Variants in C3orf20 observed in about 807,000 individuals in gnomAD.
The protein encoded by C3orf20 is uncharacterized protein C3orf20.
A neutral mutation model predicts 88.3 loss-of-function variants in C3orf20; 76 were observed. The ratio of observed to expected loss-of-function variants is 0.86; its 90% CI spans 0.72 to 1.04. The LOEUF is 1.04. Ranked by LOEUF, C3orf20 falls within the 50% of genes least tolerant of loss-of-function variation. The probability of loss-of-function intolerance (pLI) is 0.00; values close to 1 mark genes in which losing one functional copy is unlikely to be tolerated. For missense variants in C3orf20, 1,056 were observed against 1,123.3 expected (o/e 0.94, Z 0.86); for synonymous variants, 436 against 437.4 (o/e 1.00, Z 0.04).
chr3:14,752,861 G>A (rs1034625475), intron 12 of C3orf20, among the ~76,000 whole-genome samples: 2 of 152,318 alleles, frequency 1.3e-5, no homozygotes, highest in Non-Finnish European at 2.9e-5. Context: ...AGGATGTGGA[G>A]AAATAGGCAC....
intron 13 of C3orf20, 39 bp from the exon 14 acceptor site, chr3:14,759,852 G>T (rs2035503151): frequency 6.5e-7 from 1 of 1,534,404 alleles, no homozygotes; most frequent in East Asian, 2.3e-5. Context: ...CATCTTATTG[G>T]CATGGGGGTG....
intron 7 of C3orf20, among the ~76,000 whole-genome samples, chr3:14,710,639 A>T (rs1013558734): frequency 2.6e-5 from 4 of 152,052 alleles, no homozygotes; most frequent in East Asian, 3.8e-4. Context: ...TGTATTTGTG[A>T]ATTTTCCCTA....
chr3:14,717,925 T>A, intron 9 of C3orf20, among the ~76,000 whole-genome samples: 1 of 152,188 alleles, frequency 6.6e-6, no homozygotes, highest in African/African-American at 2.4e-5. Context: ...AAGTCTGTAG[T>A]TATTCAAGTC....
At chr3:14,766,515 CACG>C (rs1236524075) in intron 15 of C3orf20, among the ~76,000 whole-genome samples, 5 of 152,234 alleles carry the variant, frequency 3.3e-5, no homozygotes, top group Non-Finnish European at 5.9e-5. Flanking sequence ...TCCACCTGCA[CACG>C]ACAGTCACTG....
intron 5 of C3orf20, among the ~76,000 whole-genome samples, chr3:14,702,263 C>T (rs1176807421): frequency 6.6e-6 from 1 of 152,108 alleles, no homozygotes; most frequent in Non-Finnish European, 1.5e-5. Flanking sequence ...AACTTATTCA[C>T]TATCACGAGA....
At chr3:14,682,130 A>G (rs1343021577) in intron 1 of C3orf20, 40 bp from the exon 2 acceptor site, 1 of 152,514 alleles carries the variant, frequency 6.6e-6, no homozygotes, top group East Asian at 1.9e-4. Flanking sequence ...GATTGAGCTT[A>G]GTAAATGCAT....
chr3:14,717,320 C>T (rs994421026), intron 9 of C3orf20, among the ~76,000 whole-genome samples: 1 of 152,042 alleles, frequency 6.6e-6, no homozygotes, highest in Non-Finnish European at 1.5e-5. Flanking sequence ...GAGCTGCATG[C>T]AGAAGAGCAC....
At chr3:14,730,280 G>T (rs1559426773) in intron 12 of C3orf20, among the ~76,000 whole-genome samples, 1 of 152,080 alleles carries the variant, frequency 6.6e-6, no homozygotes, top group South Asian at 2.1e-4. Flanking sequence ...GGGTGCGGTG[G>T]CCCACGCCTG....
chr3:14,714,271 C>A, intron 8 of C3orf20, 112 bp downstream of exon 8: 2 of 1,226,166 alleles, frequency 1.6e-6, no homozygotes, highest in Non-Finnish European at 2.3e-6. Context: ...AGGCGGTGTC[C>A]AGAGATCTAG....
chr3:14,692,426 G>T (rs546042816), intron 5 of C3orf20, among the ~76,000 whole-genome samples: 1 of 152,172 alleles, frequency 6.6e-6, no homozygotes, highest in East Asian at 1.9e-4. Flanking sequence ...CTGTCTTTTG[G>T]ACAAAAGCCA....
chr3:14,712,624 G>C (rs2033795307), intron 7 of C3orf20, among the ~76,000 whole-genome samples: 1 of 151,912 alleles, frequency 6.6e-6, no homozygotes, highest in South Asian at 2.1e-4. Flanking sequence ...CATTAACATA[G>C]GTTTACAATT....
intron 7 of C3orf20, among the ~76,000 whole-genome samples, chr3:14,705,994 G>A (rs1424371234): frequency 6.6e-6 from 1 of 152,116 alleles, no homozygotes; most frequent in African/African-American, 2.4e-5. Flanking sequence ...AGAGGGAGAT[G>A]GAAGTGGATC....
chr3:14,759,948 G>A lies in C3orf20; in HGVS notation c.2302G>A (p.Asp768Asn). 1 of 1,614,168 alleles carries A rather than the reference G, an allele frequency of 6.2e-7. No individual in the cohort carries two copies. Among genetic ancestry groups the A allele is most frequent in the Non-Finnish European group, 8.5e-7 (1 of 1,180,012 alleles). The change falls in exon 14 of 17, where the codon GAC becomes AAC. Residue 768 changes from aspartate to asparagine, a missense_variant. By Grantham distance (23) the Asp-to-Asn change is conservative (BLOSUM62 1). Coordinates refer to ENST00000253697, the MANE Select transcript of C3orf20 (RefSeq NM_032137.5). ...TGACCTGGACAGCCCCCTGCAGGAG[G>A]ACCCTCCCCTGATGGTGAAGAAGAA... ...QYDLDSPLQE[D>N]PPLMVKKNSV...
In C3orf20 at chr3:14,734,572, C is replaced by G. The variant is rs1374110908; in HGVS notation, c.1940+5884C>G. Among the ~76,000 whole-genome samples the G allele has an allele frequency of 3.3e-5, 5 of 152,156 alleles. No homozygotes were observed. In the East Asian group the frequency reaches 9.6e-4, roughly 29 times the overall value. Reference sequence around the variant, plus strand: ...GAGAAAAAACTGCATAATTTCAACCCTCTGTAATTTGCTTAGACTTGTTTT... The same window carrying G: ...GAGAAAAAACTGCATAATTTCAACCGTCTGTAATTTGCTTAGACTTGTTTT... On this transcript the variant is annotated intron_variant, in intron 12 of 16. Coordinates refer to ENST00000253697, the MANE Select transcript of C3orf20 (RefSeq NM_032137.5).
rs141270428 is a variant in C3orf20, at chr3:14,705,903, C to T, written c.1160+1285C>T. 6.5e-3 allele frequency among the ~76,000 whole-genome samples: 995 copies of T among 152,312 alleles called. 8 individuals are homozygous for T. Among genetic ancestry groups the T allele is most frequent in the Non-Finnish European group, 9.3e-3 (630 of 68,032 alleles). ...GCCAAGCTAGGCCTTGGTTCATGGC[C>T]TCCTTACCTCAATTTAGGGTCCTTT... On this transcript the variant is annotated intron_variant, in intron 7 of 16. Coordinates refer to ENST00000253697, the MANE Select transcript of C3orf20 (RefSeq NM_032137.5).
At chr3:14,749,058 A>T (rs1340213924) in intron 12 of C3orf20, among the ~76,000 whole-genome samples, 2 of 152,206 alleles carry the variant, frequency 1.3e-5, no homozygotes, top group Non-Finnish European at 2.9e-5. Context: ...AAAGTATCTA[A>T]CTATTACTAT....
intron 10 of C3orf20, among the ~76,000 whole-genome samples, chr3:14,726,484 A>G (rs1234887119): frequency 6.6e-6 from 1 of 152,222 alleles, no homozygotes; most frequent in Non-Finnish European, 1.5e-5. Context: ...CACGAATGCA[A>G]TAGCATTTAC....
Position 14,714,174 on chromosome 3 carries a change from A to G in C3orf20, c.1313+15A>G. 1 of 1,612,808 alleles carries G rather than the reference A, an allele frequency of 6.2e-7. No homozygotes were observed. The highest frequency in any genetic ancestry group is 8.5e-7 in the Non-Finnish European group (1 of 1,179,846). ...CTAAAAACCAGGTAAGTGGACTGGG[A>G]GAGTACTAGTCACACGGAAGTACCT... On this transcript the variant is annotated intron_variant, in intron 8 of 16. Coordinates refer to ENST00000253697, the MANE Select transcript of C3orf20 (RefSeq NM_032137.5).
At chr3:14,711,830 T>G (rs1161140523) in intron 7 of C3orf20, among the ~76,000 whole-genome samples, 1 of 152,062 alleles carries the variant, frequency 6.6e-6, no homozygotes, top group Non-Finnish European at 1.5e-5. Context: ...ATTCTTTAGT[T>G]TTTCTATTTG....
Sources: gnomAD v4.1 joint callset for allele counts (sites outside exome capture counted in the v4.1 genomes callset) on GRCh38, gnomAD v4.1.1 for gene constraint, MANE v1.5 for transcripts, NCBI Gene and HGNC (gene_info 2026-07-23, HGNC 2026-07-21) for gene names.